The following PIK3C2B variants were observed in gnomAD, a reference collection of about 807,000 sequenced individuals.
PIK3C2B encodes the protein phosphatidylinositol-4-phosphate 3-kinase catalytic subunit type 2 beta.
In PIK3C2B, 83 loss-of-function variants were observed where a neutral mutation model predicts 184.3. That is an observed-to-expected ratio of 0.45 (90% CI 0.38 to 0.54). The LOEUF (loss-of-function observed/expected upper bound fraction) is 0.54. Among genes scored for constraint, PIK3C2B ranks in the 20% least tolerant of loss-of-function variants. The pLI is 0.00. For synonymous variants in PIK3C2B, 779 were observed against 837.6 expected (o/e 0.93, Z 1.21); for missense variants, 1,736 against 2,113.5 (o/e 0.82, Z 3.50).
intron 3 of PIK3C2B, 23 bp downstream of exon 3, chr1:204,465,196 C>T: frequency 7.9e-7 from 1 of 1,271,814 alleles, no homozygotes; most frequent in Non-Finnish European, 1.1e-6. Context: ...CTCCCAAATC[C>T]CACCCCATTC....
At chr1:204,465,169 C>CCCCAAACCCCAAAG in intron 3 of PIK3C2B, 50 bp downstream of exon 3, 1 of 760,070 alleles carries the variant, frequency 1.3e-6, no homozygotes, top group African/African-American at 1.8e-5. Flanking sequence ...TGGCCCCCCT[C>CCCCAAACCCCAAAG]CCCATCCCCC....
chr1:204,464,187 C>G, intron 4 of PIK3C2B, 55 bp from the exon 5 acceptor site: 1 of 1,594,656 alleles, frequency 6.3e-7, no homozygotes. Context: ...GCAGATGGGT[C>G]TCAGTTTCCC....
chr1:204,457,313 C>G (rs1654957326), intron 9 of PIK3C2B, among the ~76,000 whole-genome samples: 1 of 152,238 alleles, frequency 6.6e-6, no homozygotes, highest in Non-Finnish European at 1.5e-5. Context: ...CCTCAGGCTA[C>G]TCGGCTGCAG....
intron 4 of PIK3C2B, 81 bp downstream of exon 4, chr1:204,464,368 GA>G: frequency 7.7e-7 from 1 of 1,299,400 alleles, no homozygotes; most frequent in Non-Finnish European, 1.0e-6. Flanking sequence ...GCCACAAGAT[GA>G]GGTGGAAATC....
chr1:204,449,334 G>C (rs1391591088), intron 13 of PIK3C2B, 38 bp from the exon 14 acceptor site: 1 of 1,467,420 alleles, frequency 6.8e-7, no homozygotes, highest in Non-Finnish European at 9.4e-7. Flanking sequence ...TGCTAAAGTG[G>C]CTAAGCAGAG....
At chr1:204,474,688 C>G (rs979851263) in intron 1 of PIK3C2B, among the ~76,000 whole-genome samples, 2 of 152,098 alleles carry the variant, frequency 1.3e-5, no homozygotes, top group Non-Finnish European at 2.9e-5. Flanking sequence ...TCTACCCCCT[C>G]TGCTTGGGCA....
intron 19 of PIK3C2B, among the ~76,000 whole-genome samples, chr1:204,443,089 T>C (rs1159124283): frequency 1.3e-5 from 2 of 152,230 alleles, no homozygotes; most frequent in Non-Finnish European, 2.9e-5. Context: ...GGTCACAGCA[T>C]GGTGAACAAA....
In PIK3C2B at chr1:204,462,418, GGGC is replaced by G. The variant is rs1235074915; in HGVS notation, c.1310+1591_1310+1593del. 5.0e-3 allele frequency among the ~76,000 whole-genome samples: 755 copies of G among 152,294 alleles called. 10 individuals carry two copies. Among genetic ancestry groups the G allele is most frequent in the African/African-American group, 0.018 (732 of 41,548 alleles). ...TTTCACCCTCACTGCAGCTTACAGAGGGCCCTGAGCATCAATCAGCCTTCACAA... is the reference window on the plus strand; with the variant it reads ...TTTCACCCTCACTGCAGCTTACAGAGCCTGAGCATCAATCAGCCTTCACAA... On this transcript the variant is annotated intron_variant, in intron 5 of 32. Coordinates refer to ENST00000684373, the MANE Select transcript of PIK3C2B (RefSeq NM_001377334.1).
Position 204,468,956 on chromosome 1 carries a change from G to A in PIK3C2B, c.847C>T (p.Gln283Ter). 6.2e-7 allele frequency: 1 copy of A among 1,614,152 alleles called. No homozygotes were observed. The highest frequency in any genetic ancestry group is 8.5e-7 in the Non-Finnish European group (1 of 1,179,988). Reference protein sequence around the residue: ...PVARSKTMPPQVPPRTYASRY... With the variant: ...PVARSKTMPP ...GAGGCATAGGTGCGGGGGGGCACCT[G>A]AGGGGGCATAGTCTTGCTCCTGGCC... is the stretch of plus-strand genomic sequence containing the variant. Residue 283 changes from glutamine to a stop codon, truncating the protein, a stop_gained, in exon 2 of 33, where the codon CAG becomes TAG. Transcript: ENST00000684373. LOFTEE classifies it high-confidence loss of function.
At position 204,449,197 on chromosome 1, in the gene PIK3C2B, A is replaced by G. The variant is rs1402564447; in HGVS notation, c.2334T>C (p.Ser778=). 3 of 1,609,700 alleles carry G rather than the reference A, an allele frequency of 1.9e-6. No individual in the cohort carries two copies. The Admixed American group carries it at 5.0e-5, about 27-fold the overall frequency. ...GCTAAAGCCTCACCTGCAGGATGAC[A>G]CTGTCTGGCTGGTGGAAATTAGGTG... ...WSAPNFHQPD[S]VILQIDFPTS... Residue 778 remains serine, a synonymous_variant, in exon 14 of 33, where the codon AGT becomes AGC. Coordinates refer to ENST00000684373, the MANE Select transcript of PIK3C2B (RefSeq NM_001377334.1).
At chr1:204,451,296 A>G (rs1030706428) in intron 12 of PIK3C2B, among the ~76,000 whole-genome samples, 2 of 152,096 alleles carry the variant, frequency 1.3e-5, no homozygotes, top group Admixed American at 6.5e-5. Flanking sequence ...CTTTCTTTTC[A>G]CCCAAGGAAG....
At chr1:204,426,995 C>A (rs1342218917) in intron 31 of PIK3C2B, among the ~76,000 whole-genome samples, 1 of 152,108 alleles carries the variant, frequency 6.6e-6, no homozygotes, top group Non-Finnish European at 1.5e-5. Flanking sequence ...CAAAAATTAG[C>A]CAGGTGTGGT....
intron 19 of PIK3C2B, 90 bp downstream of exon 19, chr1:204,443,327 G>T: frequency 7.7e-7 from 1 of 1,301,490 alleles, no homozygotes. Context: ...AAATCGTCAC[G>T]TGGAATCTTG....
In PIK3C2B at chr1:204,428,036, G is replaced by A. The variant is rs569962147; in HGVS notation, c.4480+103C>T. The A allele has an allele frequency of 2.8e-5, 20 of 702,048 alleles. No individual in the cohort carries two copies. In the East Asian group the frequency reaches 4.2e-4, roughly 15 times the overall value. The allele number at this position is 702,048 out of a possible 1,614,324, so 43.5% of individuals were successfully genotyped here. The stretch of plus-strand genomic sequence containing the variant: ...CCAGAGAGTAAGAAAAGGAACAGGA[G>A]GCAAGTCAAGGAGAGAGAACTGAGA... On this transcript the variant is annotated intron_variant, in intron 30 of 32. Transcript: ENST00000684373.
At position 204,469,020 on chromosome 1, in the gene PIK3C2B, C is replaced by T; in HGVS notation, c.783G>A (p.Gly261=). 1 of 1,614,186 alleles carries T rather than the reference C, an allele frequency of 6.2e-7. No individual in the cohort carries two copies. Among genetic ancestry groups the T allele is most frequent in the Non-Finnish European group, 8.5e-7 (1 of 1,180,034 alleles). Residue 261 remains glycine, a synonymous_variant, in exon 2 of 33, where the codon GGG becomes GGA. Coordinates refer to ENST00000684373, the MANE Select transcript of PIK3C2B (RefSeq NM_001377334.1). ...DATRGWKEGR[G]PLDFSKDTSG... is the part of the protein sequence containing the mutation. ...AGGTGTCTTTGCTGAAGTCCAGCGGCCCTCGGCCCTCCTTCCAGCCCCTGG... is the reference window on the plus strand; with the variant it reads ...AGGTGTCTTTGCTGAAGTCCAGCGGTCCTCGGCCCTCCTTCCAGCCCCTGG...
intron 1 of PIK3C2B, among the ~76,000 whole-genome samples, chr1:204,477,222 G>A (rs1046110933): frequency 6.6e-6 from 1 of 152,048 alleles, no homozygotes; most frequent in South Asian, 2.1e-4. Context: ...ACACATTCCC[G>A]ACCTCTCCTC....
chr1:204,455,814 A>C, intron 11 of PIK3C2B, 42 bp downstream of exon 11: 1 of 1,522,624 alleles, frequency 6.6e-7, no homozygotes, highest in Non-Finnish European at 9.0e-7. Context: ...GTGGAGGTCA[A>C]ACTCAGCTTG....
In PIK3C2B at chr1:204,430,021, A is replaced by T; in HGVS notation, c.4298T>A (p.Val1433Glu). The part of the protein sequence containing the change: ...SHLPSFPSRF[V>E]IGRSRGEAVA... The stretch of plus-strand genomic sequence containing the variant: ...CGCCTCTCCCCGGGAGCGGCCGATC[A>T]CGAAGCGACTAGGGAAGCTGGCGTG... Residue 1433 changes from valine to glutamate, a missense_variant, in exon 29 of 33, where the codon GTG becomes GAG. Transcript: ENST00000684373. 6.2e-7 allele frequency: 1 copy of T among 1,609,244 alleles called. No homozygotes were observed.
Position 204,444,343 on chromosome 1 carries a change from G to A in PIK3C2B, c.2760C>T (p.Pro920=). The A allele has an allele frequency of 6.2e-7, 1 of 1,612,590 alleles. No individual in the cohort carries two copies. Among genetic ancestry groups the A allele is most frequent in the Non-Finnish European group, 8.5e-7 (1 of 1,178,694 alleles). The change falls in exon 17 of 33, where the codon CCC becomes CCT. Residue 920 remains proline, a synonymous_variant. Coordinates refer to ENST00000684373, the MANE Select transcript of PIK3C2B (RefSeq NM_001377334.1). Reference sequence around the variant, plus strand: ...CCAATCCACCCACCTGTACCAGCTGGGGCAGGTAGTCTAGCAGCTCAGCAT... The same window carrying A: ...CCAATCCACCCACCTGTACCAGCTGAGGCAGGTAGTCTAGCAGCTCAGCAT... ...LSDAELLDYL[P]QLVQALKYEC... is the part of the protein sequence containing the mutation.
Sources: gnomAD v4.1 joint callset for allele counts (sites outside exome capture counted in the v4.1 genomes callset) on GRCh38, gnomAD v4.1.1 for gene constraint, MANE v1.5 for transcripts, NCBI Gene and HGNC (gene_info 2026-07-23, HGNC 2026-07-21) for gene names.